ABCB4: variants seen among roughly 807,000 people sequenced by gnomAD.
ABCB4 encodes the protein ATP binding cassette subfamily B member 4, also known as phosphatidylcholine translocator ABCB4.
In ABCB4, 76 loss-of-function variants were observed where a neutral mutation model predicts 145.7. The ratio of observed to expected loss-of-function variants is 0.52; its 90% CI spans 0.43 to 0.63. The LOEUF (loss-of-function observed/expected upper bound fraction) is 0.63. Ranked by LOEUF, ABCB4 falls within the 30% of genes least tolerant of loss-of-function variation. ABCB4 has a pLI of 0.00. For missense variants in ABCB4, 1,234 were observed against 1,553.1 expected, an observed-to-expected ratio of 0.79 and a Z score of 3.45; for synonymous variants, 517 against 566.8, an observed-to-expected ratio of 0.91 and a Z score of 1.25.
In ABCB4 at chr7:87,462,755, T is replaced by C; in HGVS notation, c.286+3A>G. ...TTTTTTTAAAAGGTAAAGAAATGCT[T>C]ACCTGGAAAGGAGAAGTTTCCTGCA... is the stretch of plus-strand genomic sequence containing the variant. On this transcript the variant is annotated splice_donor_region_variant and intron_variant, in intron 4 of 27. Transcript: ENST00000649586. 2 of 1,613,862 alleles carry C rather than the reference T, an allele frequency of 1.2e-6. No individual in the cohort carries two copies. Among genetic ancestry groups the C allele is most frequent in the Non-Finnish European group, 1.7e-6 (2 of 1,179,826 alleles).
intron 20 of ABCB4, 86 bp from the exon 21 acceptor site, chr7:87,417,601 GT>G: frequency 9.0e-7 from 1 of 1,108,016 alleles, no homozygotes; most frequent in Non-Finnish European, 1.4e-6. Flanking sequence ...AGAATGATGA[GT>G]GGGTTCTATG....
intron 21 of ABCB4, among the ~76,000 whole-genome samples, chr7:87,416,127 G>A (rs1162428383): frequency 1.3e-5 from 2 of 152,202 alleles, no homozygotes; most frequent in Non-Finnish European, 2.9e-5. Flanking sequence ...AGGATGCAGC[G>A]TGAAAATGAG....
At chr7:87,450,215 T>G (rs1811620317) in intron 7 of ABCB4, 123 bp from the exon 8 acceptor site, 3 of 1,342,878 alleles carry the variant, frequency 2.2e-6, no homozygotes, top group Admixed American at 3.6e-5. Context: ...TAAAGTCATG[T>G]AGCAAATGCC....
At chr7:87,396,487 T>G in the ABCB4 span, among the ~76,000 whole-genome samples, 2 of 152,156 alleles carry the variant, frequency 1.3e-5, no homozygotes, top group African/African-American at 4.8e-5. Context: ...CCTTCTATGA[T>G]AGGAGCATTG....
chr7:87,421,767 A>G (rs1258764048), intron 18 of ABCB4, among the ~76,000 whole-genome samples: 1 of 152,268 alleles, frequency 6.6e-6, no homozygotes, highest in Non-Finnish European at 1.5e-5. Flanking sequence ...AAAAGATCAG[A>G]GAAGTTACTT....
At chr7:87,429,717 T>C (rs1810070003) in intron 15 of ABCB4, among the ~76,000 whole-genome samples, 1 of 152,214 alleles carries the variant, frequency 6.6e-6, no homozygotes, top group Admixed American at 6.5e-5. Context: ...AGACCCTTTA[T>C]GGTGGCTAGG....
At chr7:87,467,987 T>G (rs1813054131) in intron 3 of ABCB4, among the ~76,000 whole-genome samples, 1 of 152,048 alleles carries the variant, frequency 6.6e-6, no homozygotes, top group Non-Finnish European at 1.5e-5. Context: ...TTAAAAGAAC[T>G]AGAGAAGCAT....
chr7:87,391,356 G>A, the ABCB4 span, among the ~76,000 whole-genome samples: 5 of 152,158 alleles, frequency 3.3e-5, no homozygotes, highest in African/African-American at 4.8e-5. Context: ...CCATCTTAGA[G>A]GCTGTAATGT....
chr7:87,474,452 A>G (rs1472898837), intron 2 of ABCB4, among the ~76,000 whole-genome samples: 1 of 152,208 alleles, frequency 6.6e-6, no homozygotes, highest in Non-Finnish European at 1.5e-5. Context: ...ACAGGCTAAA[A>G]TAATGCTTCA....
At chr7:87,389,717 C>A in the ABCB4 span, among the ~76,000 whole-genome samples, 2 of 152,048 alleles carry the variant, frequency 1.3e-5, no homozygotes, top group African/African-American at 4.8e-5. Context: ...CACATGTATA[C>A]CTATGTAATA....
At chr7:87,431,190 A>G (rs1810190902) in intron 15 of ABCB4, among the ~76,000 whole-genome samples, 1 of 152,196 alleles carries the variant, frequency 6.6e-6, no homozygotes, top group Non-Finnish European at 1.5e-5. Context: ...AATCTGTCCT[A>G]AGGAATATAT....
chr7:87,475,450 C>T lies in ABCB4; in HGVS notation c.16G>A (p.Ala6Thr), dbSNP rs1813740089. The change falls in exon 2 of 28, where the codon GCA becomes ACA. Residue 6 changes from alanine (A) to threonine (T), a missense_variant. This residue lies in a region of ABCB4 where 77 missense variants were observed against 73.3 expected (regional missense o/e 1.05). Transcript: ENST00000649586. ...GGGCGCCAGGCTGTTCCGTTCTTTG[C>T]CGCCTCAAGATCCATCTCAGCCTGA... MDLEAAKNGTAWRPTS... is the reference protein window; with the variant it reads MDLEATKNGTAWRPTS... 1 of 1,614,056 alleles carries T rather than the reference C, an allele frequency of 6.2e-7. No individual in the cohort carries two copies. The highest frequency in any genetic ancestry group is 1.1e-5 in the South Asian group (1 of 91,086).
At chr7:87,409,969 A>T (rs896900315) in intron 23 of ABCB4, among the ~76,000 whole-genome samples, 1 of 152,208 alleles carries the variant, frequency 6.6e-6, no homozygotes, top group African/African-American at 2.4e-5. Flanking sequence ...GCTATCAGTT[A>T]TTATGCTTAG....
chr7:87,421,128 G>A (rs1809384611), intron 18 of ABCB4, among the ~76,000 whole-genome samples: 1 of 152,174 alleles, frequency 6.6e-6, no homozygotes, highest in Non-Finnish European at 1.5e-5. Context: ...AAACTGGAGA[G>A]GAGTCCAGAT....
At chr7:87,367,722 C>T in the ABCB4 span, among the ~76,000 whole-genome samples, 1 of 152,216 alleles carries the variant, frequency 6.6e-6, no homozygotes, top group Non-Finnish European at 1.5e-5. Context: ...TATCCTCTCT[C>T]TCTGCTGCTT....
At chr7:87,370,063 A>T in the ABCB4 span, among the ~76,000 whole-genome samples, 1 of 152,196 alleles carries the variant, frequency 6.6e-6, no homozygotes, top group East Asian at 1.9e-4. Flanking sequence ...TTTCCCATGG[A>T]TTATTTTGAA....
In ABCB4 at chr7:87,433,205, A is replaced by G. The variant is rs138371743; in HGVS notation, c.1732-1640T>C. ...GTGGTATTTCTACTTTAGTCCTTAC[A>G]TTAAAATAAATCCAGATGAATCAAT... On this transcript the variant is annotated intron_variant, in intron 14 of 27. Transcript: ENST00000649586. Among the ~76,000 whole-genome samples the G allele has an allele frequency of 2.6e-5, 4 of 152,338 alleles. No homozygotes were observed. In the East Asian group the frequency reaches 7.7e-4, roughly 29 times the overall value.
chr7:87,406,548 T>A, intron 25 of ABCB4, 54 bp from the exon 26 acceptor site: 1 of 1,566,374 alleles, frequency 6.4e-7, no homozygotes, highest in Non-Finnish European at 8.7e-7. Context: ...AAAAAAAAAC[T>A]AAAAAGTTAC....
chr7:87,470,223 A>T (rs1229686156), intron 3 of ABCB4, among the ~76,000 whole-genome samples: 2 of 152,226 alleles, frequency 1.3e-5, no homozygotes, highest in Non-Finnish European at 1.5e-5. Context: ...TTAATTCAAG[A>T]TGGATTAAAG....
Sources: allele counts gnomAD v4.1 joint callset (sites outside exome capture counted in the v4.1 genomes callset), GRCh38; gene constraint gnomAD v4.1.1; regional missense constraint gnomAD v4.1.1; transcripts MANE v1.5; gene names NCBI Gene and HGNC (gene_info 2026-07-23, HGNC 2026-07-21).